CPSF2: variants seen among roughly 807,000 people sequenced by gnomAD.
CPSF2 encodes cleavage and polyadenylation specific factor 2.
In CPSF2, 51 loss-of-function variants were observed where a neutral mutation model predicts 84.2. That is an observed-to-expected ratio of 0.61 (90% CI 0.48 to 0.77). The LOEUF (loss-of-function observed/expected upper bound fraction) is 0.77, where lower values mean the gene tolerates loss of function less well. Among genes scored for constraint, CPSF2 ranks in the 30% least tolerant of loss-of-function variants. The pLI is 0.00. For synonymous variants in CPSF2, 286 were observed against 311.9 expected (o/e 0.92, Z 0.87); for missense variants, 641 against 929.4 (o/e 0.69, Z 4.03).
At chr14:92,130,830 G>A (rs1595050904) in intron 2 of CPSF2, 121 bp from the exon 3 acceptor site, 1 of 630,484 alleles carries the variant, frequency 1.6e-6, no homozygotes, top group East Asian at 3.4e-5. Context: ...CCTTTAAACT[G>A]CTTTTCGTGT....
At position 92,156,510 on chromosome 14, in the gene CPSF2, G is replaced by T; in HGVS notation, c.1474G>T (p.Ala492Ser). Residue 492 changes from alanine to serine, a missense_variant, in exon 12 of 16, where the codon GCT becomes TCT. Ala to Ser is a moderately conservative substitution (Grantham distance 99). This residue lies in a region of CPSF2 where 430 missense variants were observed against 553.6 expected (regional missense o/e 0.78). Coordinates refer to ENST00000298875, the MANE Select transcript of CPSF2 (RefSeq NM_017437.3). ...GGATTTCTTAGTGCCAGAGCTTCAA[G>T]CTACTGAAGAAGAAAAAAGCAAATT... ...PEDFLVPELQATEEEKSKLES... is the reference protein window; with the variant it reads ...PEDFLVPELQSTEEEKSKLES... 1 of 1,612,706 alleles carries T rather than the reference G, an allele frequency of 6.2e-7. No homozygotes were observed. The highest frequency in any genetic ancestry group is 8.5e-7 in the Non-Finnish European group (1 of 1,179,620).
Position 92,171,382 on chromosome 14 carries a change from CTG to C in CPSF2, c.*9640_*9641del. 6.6e-6 allele frequency: 1 copy of C among 152,140 alleles called. No homozygotes were observed. The highest frequency in any genetic ancestry group is 1.5e-5 in the Non-Finnish European group (1 of 68,018). The allele number at this position is 152,140 out of a possible 1,614,324, so 9.4% of individuals were successfully genotyped here. ...AGAACATGGGTCCCTGTTTTATCAT[CTG>C]TAAGTTATGATTTATTTTGATGCCC... On this transcript the variant is annotated 3_prime_UTR_variant, in exon 16 of 16. Transcript: ENST00000298875.
chr14:92,127,115 GA>G lies in CPSF2; in HGVS notation c.-35+937del, dbSNP rs371874820. 1.4e-4 allele frequency among the ~76,000 whole-genome samples: 22 copies of G among 152,332 alleles called. 2 individuals are homozygous for G. Among genetic ancestry groups the G allele is most frequent in the African/African-American group, 4.8e-4 (20 of 41,570 alleles). ...GGAATGTAACTGTGATGAAAACAGA[GA>G]AGGTCTTTACCTTCATGGAGTCTGC... On this transcript the variant is annotated intron_variant, in intron 2 of 15. Coordinates refer to ENST00000298875, the MANE Select transcript of CPSF2 (RefSeq NM_017437.3).
chr14:92,133,427 G>A (rs1190613283), intron 3 of CPSF2, among the ~76,000 whole-genome samples: 2 of 139,686 alleles, frequency 1.4e-5, no homozygotes, highest in East Asian at 5.3e-4. Flanking sequence ...TCTAAAAAAA[G>A]AAAATCAAGT....
At position 92,156,611 on chromosome 14, in the gene CPSF2, A is replaced by G; in HGVS notation, c.1575A>G (p.Thr525=). 1 of 1,593,300 alleles carries G rather than the reference A, an allele frequency of 6.3e-7. No individual in the cohort carries two copies. The highest frequency in any genetic ancestry group is 8.6e-7 in the Non-Finnish European group (1 of 1,167,968). The change falls in exon 12 of 16, where the codon ACA becomes ACG. Residue 525 remains threonine (T), a synonymous_variant. Coordinates refer to ENST00000298875, the MANE Select transcript of CPSF2 (RefSeq NM_017437.3). Reference sequence around the variant, plus strand: ...ATGTTCCTACTAAATGTATTTCTACAACAGAGTCTATTGAAATAAAGTAAG... The same window carrying G: ...ATGTTCCTACTAAATGTATTTCTACGACAGAGTCTATTGAAATAAAGTAAG... ...LSDVPTKCIS[T]TESIEIKARV... is the part of the protein sequence containing the mutation.
At chr14:92,126,092 ACATT>A (rs2068842599) in intron 1 of CPSF2, 26 bp from the exon 2 acceptor site, 1 of 152,256 alleles carries the variant, frequency 6.6e-6, no homozygotes, top group Non-Finnish European at 1.5e-5. Flanking sequence ...TCATAATACC[ACATT>A]CATAAGGCTT....
chr14:92,155,345 T>C (rs1260884719), intron 11 of CPSF2, 22 bp downstream of exon 11: 2 of 1,573,036 alleles, frequency 1.3e-6, no homozygotes, highest in Non-Finnish European at 1.7e-6. Flanking sequence ...AAACAAACTT[T>C]TCTCTCTTAC....
chr14:92,143,381 C>T, intron 9 of CPSF2, 87 bp downstream of exon 9: 1 of 939,788 alleles, frequency 1.1e-6, no homozygotes, highest in Non-Finnish European at 1.6e-6. Flanking sequence ...AAAAATAAAA[C>T]TTGAAATTGT....
At chr14:92,130,303 G>A (rs923608846) in intron 2 of CPSF2, among the ~76,000 whole-genome samples, 12 of 151,956 alleles carry the variant, frequency 7.9e-5, no homozygotes, top group Non-Finnish European at 1.5e-4. Flanking sequence ...TGGGGGAGGG[G>A]GAGGGTCCAT....
intron 7 of CPSF2, among the ~76,000 whole-genome samples, chr14:92,140,687 C>G (rs2069066077): frequency 6.8e-6 from 1 of 147,398 alleles, no homozygotes; most frequent in African/African-American, 2.5e-5. Flanking sequence ...CTGCCTTGGC[C>G]TCCCAAAGTG....
intron 9 of CPSF2, among the ~76,000 whole-genome samples, chr14:92,150,043 C>T (rs543491274): frequency 2.0e-5 from 3 of 152,094 alleles, no homozygotes; most frequent in African/African-American, 4.8e-5. Context: ...CAATGGCTAT[C>T]TCCAAGAAAA....
intron 3 of CPSF2, among the ~76,000 whole-genome samples, chr14:92,133,010 G>C (rs2068952711): frequency 6.6e-6 from 1 of 152,100 alleles, no homozygotes; most frequent in Non-Finnish European, 1.5e-5. Flanking sequence ...AGAGTTGCTT[G>C]AACCGGGCGG....
rs996052484 is a variant in CPSF2 at position 92,169,973 on chromosome 14, A to C, written c.*8229A>C. ...GGCAACATAGTGAGAACTCATCTCT[A>C]TTAAAAATCAGAAAAATTGGCCAGG... On this transcript the variant is annotated 3_prime_UTR_variant, in exon 16 of 16. Coordinates refer to ENST00000298875, the MANE Select transcript of CPSF2 (RefSeq NM_017437.3). The C allele has an allele frequency of 6.6e-6, 1 of 152,130 alleles. No homozygotes were observed. The highest frequency in any genetic ancestry group is 2.4e-5 in the African/African-American group (1 of 41,406). The allele number at this position is 152,130 out of a possible 1,614,324, so 9.4% of individuals were successfully genotyped here. A position where few individuals can be genotyped will look rare whatever the true frequency, so the allele number is the denominator to read the frequency against.
intron 11 of CPSF2, among the ~76,000 whole-genome samples, 175 bp from the exon 12 acceptor site, chr14:92,156,304 C>T (rs771884807): frequency 1.3e-4 from 19 of 151,926 alleles, no homozygotes; most frequent in South Asian, 6.2e-4. Context: ...AACCAAAAAA[C>T]GCAATACATA....
chr14:92,159,732 A>G (rs1272218735), intron 14 of CPSF2, among the ~76,000 whole-genome samples: 1 of 152,188 alleles, frequency 6.6e-6, no homozygotes, highest in East Asian at 1.9e-4. Flanking sequence ...GAGTTTTTAA[A>G]AAAGAGAACT....
intron 7 of CPSF2, 117 bp from the exon 8 acceptor site, chr14:92,142,047 T>G: frequency 1.3e-6 from 1 of 742,912 alleles, no homozygotes; most frequent in African/African-American, 1.8e-5. Context: ...CTTGGCCTAG[T>G]AGTTGCTTAT....
intron 9 of CPSF2, among the ~76,000 whole-genome samples, chr14:92,145,071 A>G (rs2069125908): frequency 6.6e-6 from 1 of 152,206 alleles, no homozygotes; most frequent in Non-Finnish European, 1.5e-5. Context: ...ATTTTTCAAA[A>G]TTAGTATATC....
Position 92,157,514 on chromosome 14 carries a change from TAAAAAC to T in CPSF2, c.1596-139_1596-134del, listed in dbSNP as rs1476913352. The T allele has an allele frequency of 1.5e-6, 1 of 648,352 alleles. No homozygotes were observed. Among genetic ancestry groups the T allele is most frequent in the Non-Finnish European group, 2.6e-6 (1 of 380,180 alleles). 40.2% of individuals were successfully genotyped at this position (648,352 alleles called of 1,614,324 possible). On this transcript the variant is annotated intron_variant, in intron 12 of 15. Transcript: ENST00000298875. The surrounding 1 kb of genome is among the most constrained non-coding windows in gnomAD (Gnocchi z 4.0). ...AGAGCGAGACCCAATCTCAGAAAAA[TAAAAAC>T]AAAAATAAAATAAATCATACAGATA... is the stretch of plus-strand genomic sequence containing the variant.
chr14:92,156,768 A>G, intron 12 of CPSF2, 137 bp downstream of exon 12: 1 of 486,192 alleles, frequency 2.1e-6, no homozygotes, highest in Non-Finnish European at 3.4e-6. Flanking sequence ...TTATTTTTGT[A>G]TGAAGAGACT....
Sources: gnomAD v4.1 joint callset for allele counts (sites outside exome capture counted in the v4.1 genomes callset) on GRCh38, gnomAD v4.1.1 for gene constraint, gnomAD v4.1.1 regional missense constraint, Gnocchi (gnomAD v3.1) non-coding constraint, MANE v1.5 for transcripts, NCBI Gene and HGNC (gene_info 2026-07-23, HGNC 2026-07-21) for gene names.